PTH2R: variants seen among roughly 807,000 people sequenced by gnomAD.
PTH2R encodes PTH2 receptor.
Under a neutral mutation model 60.3 loss-of-function variants are expected in PTH2R, and 59 were observed. That is an observed-to-expected ratio of 0.98 (90% CI 0.79 to 1.22). The LOEUF is 1.22. Among genes scored for constraint, PTH2R ranks in the 50% most tolerant of loss-of-function variants. The pLI, the probability that PTH2R is intolerant of heterozygous loss-of-function variation, is 0.00. For synonymous variants in PTH2R, 256 were observed against 243.8 expected (o/e 1.05, Z -0.47); for missense variants, 749 against 682.6 (o/e 1.10, Z -1.08).
intron 1 of PTH2R, among the ~76,000 whole-genome samples, chr2:208,388,140 C>CA (rs1553541032): frequency 6.7e-6 from 1 of 149,576 alleles, no homozygotes; most frequent in Admixed American, 6.6e-5. Context: ...AAACCCCCCC[C>CA]CCCGTCTCTA....
intron 9 of PTH2R, among the ~76,000 whole-genome samples, chr2:208,475,813 T>G (rs1702989092): frequency 6.6e-6 from 1 of 152,196 alleles, no homozygotes; most frequent in Admixed American, 6.5e-5. Context: ...CACATCATCA[T>G]TGTGTATCCA....
At chr2:208,444,451 G>T (rs1702247627) in intron 6 of PTH2R, among the ~76,000 whole-genome samples, 1 of 152,048 alleles carries the variant, frequency 6.6e-6, no homozygotes, top group Non-Finnish European at 1.5e-5. Context: ...TTTCTGTGAT[G>T]GTCGTGTATT....
At chr2:208,401,625 T>C (rs1701311182) in intron 1 of PTH2R, among the ~76,000 whole-genome samples, 1 of 152,106 alleles carries the variant, frequency 6.6e-6, no homozygotes, top group African/African-American at 2.4e-5. Context: ...ACACCTGCTG[T>C]TTTAGAATCC....
intron 10 of PTH2R, among the ~76,000 whole-genome samples, chr2:208,485,472 C>T (rs1232770026): frequency 1.3e-5 from 2 of 151,964 alleles, no homozygotes; most frequent in Non-Finnish European, 2.9e-5. Context: ...CATATGGACG[C>T]TGAAAAAAAT....
At chr2:208,408,553 G>A (rs972902280) in intron 1 of PTH2R, among the ~76,000 whole-genome samples, 107 of 152,076 alleles carry the variant, frequency 7.0e-4, no homozygotes, top group Non-Finnish European at 1.2e-3. Flanking sequence ...AAGGCTTGGT[G>A]TGGTGGCTCA....
At chr2:208,429,652 A>T (rs185502113) in intron 2 of PTH2R, among the ~76,000 whole-genome samples, 4 of 152,258 alleles carry the variant, frequency 2.6e-5, no homozygotes, top group East Asian at 3.9e-4. Context: ...TAAATTTACC[A>T]TTAAAATTTT....
intron 12 of PTH2R, among the ~76,000 whole-genome samples, chr2:208,492,881 G>A (rs1703435680): frequency 6.6e-6 from 1 of 152,044 alleles, no homozygotes; most frequent in Non-Finnish European, 1.5e-5. Context: ...GGTTCCAGTG[G>A]GCTTGTCATG....
intron 1 of PTH2R, among the ~76,000 whole-genome samples, chr2:208,371,569 C>A (rs1323217497): frequency 6.6e-6 from 1 of 152,124 alleles, no homozygotes; most frequent in East Asian, 1.9e-4. Context: ...CCACTCAGAT[C>A]TAAGTTGACA....
intron 1 of PTH2R, among the ~76,000 whole-genome samples, chr2:208,386,441 C>T (rs566970058): frequency 1.3e-5 from 2 of 152,230 alleles, no homozygotes; most frequent in South Asian, 2.1e-4. Flanking sequence ...AGTTATAAGG[C>T]ATAAATATGT....
At chr2:208,426,262 C>A (rs560286442) in intron 1 of PTH2R, among the ~76,000 whole-genome samples, 1 of 152,266 alleles carries the variant, frequency 6.6e-6, no homozygotes, top group East Asian at 1.9e-4. Context: ...TATTTCAAAT[C>A]ATAAATGATC....
intron 10 of PTH2R, among the ~76,000 whole-genome samples, chr2:208,488,285 A>T (rs553143891): frequency 2.6e-5 from 4 of 152,372 alleles, no homozygotes; most frequent in African/African-American, 9.6e-5. Flanking sequence ...ATAGAAAAAT[A>T]TAAAATGTCT....
rs567818364 is a variant in PTH2R at position 208,385,721 on chromosome 2, A to T, written c.-259+25484A>T. Among the ~76,000 whole-genome samples, 105 of 152,354 alleles carry T rather than the reference A, an allele frequency of 6.9e-4. 1 individual carries two copies. Among genetic ancestry groups the T allele is most frequent in the Middle Eastern group, 3.4e-3 (1 of 294 alleles). On this transcript the variant is annotated intron_variant, in intron 1 of 12. Transcript: ENST00000617735. ...TTGTAGGGCTCTGGATTTGAAATTCAATCTGGCTTTCAGCCTTGATGTGGC... is the reference window on the plus strand; with the variant it reads ...TTGTAGGGCTCTGGATTTGAAATTCTATCTGGCTTTCAGCCTTGATGTGGC...
chr2:208,446,602 G>C (rs1702292604), intron 7 of PTH2R, among the ~76,000 whole-genome samples: 1 of 152,138 alleles, frequency 6.6e-6, no homozygotes, highest in Non-Finnish European at 1.5e-5. Context: ...TGGTTCTACA[G>C]CTAGTCTGTC....
intron 1 of PTH2R, among the ~76,000 whole-genome samples, chr2:208,377,459 T>C (rs4268880): frequency 0.92 from 136,967 of 148,106 alleles, 63,802 homozygotes; most frequent in Non-Finnish European, 0.98. Flanking sequence ...CGGGCAGAGG[T>C]GCCCCCCACC....
chr2:208,421,053 TA>T (rs1701745035), intron 1 of PTH2R, among the ~76,000 whole-genome samples: 1 of 152,242 alleles, frequency 6.6e-6, no homozygotes, highest in African/African-American at 2.4e-5. Context: ...GCTCTATAAA[TA>T]TCTATAATAA....
intron 2 of PTH2R, among the ~76,000 whole-genome samples, chr2:208,430,452 A>G (rs565356774): frequency 5.7e-4 from 86 of 151,912 alleles, no homozygotes; most frequent in Non-Finnish European, 3.8e-4. Flanking sequence ...TCTATCACCT[A>G]AAGATACCAT....
intron 11 of PTH2R, among the ~76,000 whole-genome samples, chr2:208,490,096 A>G (rs901353960): frequency 1.3e-5 from 2 of 151,772 alleles, no homozygotes; most frequent in African/African-American, 2.4e-5. Context: ...CATTTTTCTC[A>G]TGTGCTATTT....
chr2:208,385,022 T>C (rs919889749), intron 1 of PTH2R, among the ~76,000 whole-genome samples: 1 of 152,230 alleles, frequency 6.6e-6, no homozygotes, highest in African/African-American at 2.4e-5. Flanking sequence ...CACTCCTTTT[T>C]TCTACCACTC....
At chr2:208,441,268 A>G (rs1468848513) in intron 4 of PTH2R, among the ~76,000 whole-genome samples, 2 of 152,202 alleles carry the variant, frequency 1.3e-5, no homozygotes, top group African/African-American at 4.8e-5. Flanking sequence ...AGGTGAAGAG[A>G]CATATAGGGC....
Sources: gnomAD v4.1 joint callset for allele counts (sites outside exome capture counted in the v4.1 genomes callset) on GRCh38, gnomAD v4.1.1 for gene constraint, MANE v1.5 for transcripts, NCBI Gene and HGNC (gene_info 2026-07-23, HGNC 2026-07-21) for gene names.